Variants in TRNAU1AP observed in about 807,000 individuals in gnomAD.
TRNAU1AP encodes the protein tRNA selenocysteine 1-associated protein 1.
In TRNAU1AP, 33 loss-of-function variants were observed where a neutral mutation model predicts 43.3. The observed-to-expected ratio is 0.76, with a 90% CI of 0.58 to 1.02. The LOEUF (loss-of-function observed/expected upper bound fraction) is 1.02, where lower values mean the gene tolerates loss of function less well. TRNAU1AP is among the 50% of genes least tolerant of loss of function. The pLI is 0.00. For missense variants in TRNAU1AP, 290 were observed against 362.7 expected (o/e 0.80, Z 1.63); for synonymous variants, 143 against 129.1 (o/e 1.11, Z -0.73).
At chr1:28,575,453 ATGTTTTTTTT>A (rs1249425672) in intron 8 of TRNAU1AP, among the ~76,000 whole-genome samples, 140 of 140,640 alleles carry the variant, frequency 1.0e-3, no homozygotes, top group African/African-American at 3.6e-3. Flanking sequence ...GCCAGGCCCA[ATGTTTTTTTT>A]TGTTTTTTTT....
rs1665590560 is a variant in TRNAU1AP at position 28,568,552 on chromosome 1, G to A, written c.530+1139G>A. Among the ~76,000 whole-genome samples the A allele has an allele frequency of 5.9e-5, 9 of 152,308 alleles. No individual in the cohort carries two copies. In the South Asian group the frequency reaches 1.7e-3, roughly 28 times the overall value. On this transcript the variant is annotated intron_variant, in intron 6 of 8. Coordinates refer to ENST00000373830, the MANE Select transcript of TRNAU1AP (RefSeq NM_017846.5). ...GGCCTACAAAAGTGTTGGGATTACA[G>A]GCATAAGCCATTGTGCCTGGCCAGA...
chr1:28,568,610 A>G, intron 6 of TRNAU1AP, among the ~76,000 whole-genome samples: 1 of 152,096 alleles, frequency 6.6e-6, no homozygotes, highest in East Asian at 1.9e-4. Context: ...AATGATTTTC[A>G]ACTGGAGTGA....
intron 2 of TRNAU1AP, among the ~76,000 whole-genome samples, chr1:28,555,755 T>G (rs1665245303): frequency 6.6e-6 from 1 of 152,212 alleles, no homozygotes; most frequent in Non-Finnish European, 1.5e-5. Context: ...TGGTAGATCG[T>G]GCCCACCTAA....
intron 5 of TRNAU1AP, chr1:28,565,849 G>T (rs1665526325): frequency 6.6e-6 from 1 of 152,130 alleles, no homozygotes; most frequent in South Asian, 2.1e-4. Flanking sequence ...TTCTTGGTCA[G>T]TATGGTAGTT....
chr1:28,567,518 G>A, intron 6 of TRNAU1AP, 105 bp downstream of exon 6: 1 of 1,352,484 alleles, frequency 7.4e-7, no homozygotes, highest in East Asian at 2.6e-5. Flanking sequence ...GAGGCTGAAG[G>A]GGATCCAATT....
intron 2 of TRNAU1AP, among the ~76,000 whole-genome samples, chr1:28,558,555 G>A (rs1665329701): frequency 7.2e-6 from 1 of 138,668 alleles, no homozygotes; most frequent in Admixed American, 7.5e-5. Context: ...CACTACGCCC[G>A]ACTAATTTTT....
intron 6 of TRNAU1AP, among the ~76,000 whole-genome samples, chr1:28,569,066 C>T (rs1665604340): frequency 6.6e-6 from 1 of 152,116 alleles, no homozygotes; most frequent in African/African-American, 2.4e-5. Flanking sequence ...CTGCCTTGGC[C>T]TCTCAAAGTG....
At chr1:28,564,583 A>T in intron 4 of TRNAU1AP, 120 bp from the exon 5 acceptor site, 1 of 1,228,084 alleles carries the variant, frequency 8.1e-7, no homozygotes, top group Non-Finnish European at 1.1e-6. Flanking sequence ...CTGGTTAAGT[A>T]GACCCATCAA....
At chr1:28,563,755 G>C (rs1280776602) in intron 4 of TRNAU1AP, among the ~76,000 whole-genome samples, 1 of 152,028 alleles carries the variant, frequency 6.6e-6, no homozygotes, top group Non-Finnish European at 1.5e-5. Flanking sequence ...GGGCGGCTGA[G>C]GCAAGAGAAT....
chr1:28,571,469 C>T (rs1665660266), intron 7 of TRNAU1AP, 131 bp downstream of exon 7: 1 of 905,042 alleles, frequency 1.1e-6, no homozygotes, highest in African/African-American at 1.7e-5. Context: ...TGAAGCAGTC[C>T]AGTTCCTCTT....
At chr1:28,564,591 C>T (rs1665494969) in intron 4 of TRNAU1AP, 112 bp from the exon 5 acceptor site, 3 of 1,343,360 alleles carry the variant, frequency 2.2e-6, no homozygotes, top group Non-Finnish European at 2.0e-6. Context: ...GTAGACCCAT[C>T]AAATGTTTTC....
At chr1:28,576,470 C>T (rs373228331) in intron 8 of TRNAU1AP, among the ~76,000 whole-genome samples, 2 of 151,250 alleles carry the variant, frequency 1.3e-5, no homozygotes, top group South Asian at 2.1e-4. Context: ...AGGTGCCTGC[C>T]ACCACGCCCA....
chr1:28,558,617 T>G (rs1169443217), intron 2 of TRNAU1AP, among the ~76,000 whole-genome samples: 1 of 142,508 alleles, frequency 7.0e-6, no homozygotes, highest in African/African-American at 2.7e-5. Context: ...CAGGCTGGAG[T>G]GCAGTGGCGT....
Position 28,564,637 on chromosome 1 carries a change from CAA to C in TRNAU1AP, c.279-63_279-62del, listed in dbSNP as rs1665496439. 1.9e-6 allele frequency: 3 copies of C among 1,560,732 alleles called. No individual in the cohort carries two copies. The African/African-American group carries it at 4.1e-5, about 22-fold the overall frequency. The stretch of plus-strand genomic sequence containing the variant: ...CTGGGAGAGGTTTACCTGGAATATG[CAA>C]AAGAGCTTTTCAGAGCAGAGGTTTT... On this transcript the variant is annotated intron_variant, in intron 4 of 8. Coordinates refer to ENST00000373830, the MANE Select transcript of TRNAU1AP (RefSeq NM_017846.5).
At chr1:28,576,156 G>GTT (rs58148511) in intron 8 of TRNAU1AP, among the ~76,000 whole-genome samples, 231 of 137,592 alleles carry the variant, frequency 1.7e-3, no homozygotes, top group Middle Eastern at 0.011. Flanking sequence ...ACAGTGCCCA[G>GTT]TTTTTTTTTT....
Position 28,553,643 on chromosome 1 carries a change from G to GA in TRNAU1AP, c.33dup (p.Pro12ThrfsTer5). 1 of 1,613,950 alleles carries GA rather than the reference G, an allele frequency of 6.2e-7. No individual in the cohort carries two copies. The highest frequency in any genetic ancestry group is 8.5e-7 in the Non-Finnish European group (1 of 1,180,004). On this transcript the variant is annotated frameshift_variant, in exon 2 of 9. Coordinates refer to ENST00000373830, the MANE Select transcript of TRNAU1AP (RefSeq NM_017846.5). LOFTEE classifies it high-confidence loss of function. ...CTGTGCTCTTGTTTTTACGCAGCTG[G>GA]AACCCTACATGGATGAGAACTTCAT...
rs1557440214 is a variant in TRNAU1AP, at chr1:28,577,607, G to C, written c.835G>C (p.Val279Leu). ...CTGTCACTGGCAGCCCCTGGACACA[G>C]TGTCTTCAGAGATCCCTGCCATGAT... ...MDCHWQPLDT[V>L]SSEIPAMM Residue 279 changes from valine to leucine, a missense_variant, in exon 9 of 9, where the codon GTG becomes CTG. Physicochemically the swap from Val to Leu is conservative, Grantham distance 32 (BLOSUM62 1). This residue lies in a region of TRNAU1AP where 57 missense variants were observed against 55.1 expected (regional missense o/e 1.03). Transcript: ENST00000373830. 1 of 1,614,184 alleles carries C rather than the reference G, an allele frequency of 6.2e-7. No individual in the cohort carries two copies. Among genetic ancestry groups the C allele is most frequent in the Non-Finnish European group, 8.5e-7 (1 of 1,180,024 alleles).
intron 4 of TRNAU1AP, 42 bp downstream of exon 4, chr1:28,561,440 CTG>C (rs1665402375): frequency 6.2e-7 from 1 of 1,611,034 alleles, no homozygotes; most frequent in African/African-American, 1.3e-5. Flanking sequence ...AGATGTGTCA[CTG>C]TGCCTGTCAC....
intron 8 of TRNAU1AP, among the ~76,000 whole-genome samples, chr1:28,577,176 C>T (rs1241411720): frequency 6.6e-6 from 1 of 152,188 alleles, no homozygotes; most frequent in Non-Finnish European, 1.5e-5. Context: ...AGATGATGCT[C>T]TGGACTTAAT....
Sources: gnomAD v4.1 joint callset for allele counts (sites outside exome capture counted in the v4.1 genomes callset) on GRCh38, gnomAD v4.1.1 for gene constraint, gnomAD v4.1.1 regional missense constraint, MANE v1.5 for transcripts, NCBI Gene and HGNC (gene_info 2026-07-23, HGNC 2026-07-21) for gene names.